Variants in SH3D19 observed in about 807,000 individuals in gnomAD.
The protein encoded by SH3D19 is SH3 domain containing 19, also known as SH3 domain-containing protein 19.
SH3D19 carries 58 observed loss-of-function variants against 112.1 expected under a neutral mutation model. The ratio of observed to expected loss-of-function variants is 0.52; its 90% confidence interval spans 0.42 to 0.64. The LOEUF (loss-of-function observed/expected upper bound fraction) is 0.64, where lower values mean the gene tolerates loss of function less well. Among genes scored for constraint, SH3D19 ranks in the 30% least tolerant of loss-of-function variants. The pLI, the probability that SH3D19 is intolerant of heterozygous loss-of-function variation, is 0.00. For missense variants in SH3D19, 1,090 were observed against 1,263.4 expected (o/e 0.86, Z 2.08); for synonymous variants, 391 against 448.5 (o/e 0.87, Z 1.62).
intron 1 of SH3D19, among the ~76,000 whole-genome samples, chr4:151,246,337 T>A (rs926989172): frequency 6.6e-6 from 1 of 152,240 alleles, no homozygotes; most frequent in Non-Finnish European, 1.5e-5. Context: ...TAACATAGAA[T>A]GATCAAATTC....
chr4:151,303,752 T>C (rs965387820), intron 1 of SH3D19, among the ~76,000 whole-genome samples: 3 of 152,050 alleles, frequency 2.0e-5, no homozygotes, highest in African/African-American at 4.8e-5. Flanking sequence ...ACAAAGGGGT[T>C]TGGGGTGGTA....
intron 1 of SH3D19, among the ~76,000 whole-genome samples, chr4:151,319,120 A>G (rs1730295982): frequency 1.3e-5 from 2 of 152,154 alleles, no homozygotes; most frequent in African/African-American, 2.4e-5. Context: ...GTGTGATCTC[A>G]GTTCACTGCA....
intron 9 of SH3D19, among the ~76,000 whole-genome samples, chr4:151,150,206 A>AAAAATATATAT (rs1273707426): frequency 2.2e-5 from 1 of 46,158 alleles, no homozygotes; most frequent in African/African-American, 7.2e-5. Flanking sequence ...AAAAAAAAAA[A>AAAAATATATAT]ATATATATAT....
rs141989902 is a variant in SH3D19 at position 151,295,657 on chromosome 4, T to C, written c.112+29584A>G. Among the ~76,000 whole-genome samples, 326 of 152,352 alleles carry C rather than the reference T, an allele frequency of 2.1e-3. 2 individuals are homozygous for C. The highest frequency in any genetic ancestry group is 7.4e-3 in the African/African-American group (307 of 41,590). On this transcript the variant is annotated intron_variant, in intron 1 of 19. Transcript: ENST00000604030. ...GTCCTCTACACCTGGAATACCTTTC[T>C]TTTGATACCTCAACCCACTTATTTC...
At chr4:151,237,674 C>T (rs1180572505) in intron 1 of SH3D19, among the ~76,000 whole-genome samples, 3 of 152,114 alleles carry the variant, frequency 2.0e-5, no homozygotes, top group Non-Finnish European at 2.9e-5. Context: ...AATAAAGGTA[C>T]ACAAAGGGTA....
chr4:151,194,065 A>G (rs1763046602), intron 2 of SH3D19, among the ~76,000 whole-genome samples: 1 of 129,360 alleles, frequency 7.7e-6, no homozygotes, highest in African/African-American at 3.4e-5. Context: ...CAGCTCTGTC[A>G]CCCAGGCTGG....
intron 17 of SH3D19, among the ~76,000 whole-genome samples, chr4:151,128,879 A>G (rs1038808151): frequency 2.0e-5 from 3 of 152,082 alleles, no homozygotes; most frequent in Non-Finnish European, 2.9e-5. Context: ...TCTTGGCTCA[A>G]GTGATCCTCC....
intron 1 of SH3D19, among the ~76,000 whole-genome samples, chr4:151,281,844 C>T (rs1397528904): frequency 2.6e-5 from 4 of 151,960 alleles, no homozygotes; most frequent in African/African-American, 9.7e-5. Context: ...GTCTATTAAG[C>T]ATACAGGTGA....
At chr4:151,178,193 G>GC (rs1760254812) in intron 4 of SH3D19, among the ~76,000 whole-genome samples, 1 of 152,222 alleles carries the variant, frequency 6.6e-6, no homozygotes, top group Non-Finnish European at 1.5e-5. Flanking sequence ...AAGGCACTGT[G>GC]CCTGGAGCAT....
chr4:151,144,467 G>T (rs1753576363), intron 11 of SH3D19: 1 of 607,134 alleles, frequency 1.6e-6, no homozygotes, highest in Non-Finnish European at 2.9e-6. Context: ...ATGTTAAGAG[G>T]CTCTTGGGAG....
At chr4:151,295,679 T>C (rs1181232966) in intron 1 of SH3D19, among the ~76,000 whole-genome samples, 1 of 152,210 alleles carries the variant, frequency 6.6e-6, no homozygotes, top group African/African-American at 2.4e-5. Flanking sequence ...AACCCACTTA[T>C]TTCTGCCCAC....
chr4:151,179,772 CTA>C (rs1245243355), intron 3 of SH3D19, among the ~76,000 whole-genome samples: 1 of 152,192 alleles, frequency 6.6e-6, no homozygotes, highest in Non-Finnish European at 1.5e-5. Flanking sequence ...CGATTCCAAT[CTA>C]TATGACTATG....
intron 7 of SH3D19, among the ~76,000 whole-genome samples, chr4:151,168,349 A>G (rs1758459211): frequency 6.6e-6 from 1 of 152,028 alleles, no homozygotes; most frequent in Non-Finnish European, 1.5e-5. Context: ...ACATATTTGA[A>G]TAGTTCTTCC....
At chr4:151,303,335 T>C (rs1048228175) in intron 1 of SH3D19, among the ~76,000 whole-genome samples, 5 of 152,242 alleles carry the variant, frequency 3.3e-5, no homozygotes, top group Admixed American at 6.5e-5. Context: ...TTTTCTTGAA[T>C]AGATTATCAA....
At chr4:151,182,518 A>G (rs1232525153) in intron 3 of SH3D19, among the ~76,000 whole-genome samples, 1 of 152,222 alleles carries the variant, frequency 6.6e-6, no homozygotes, top group Admixed American at 6.5e-5. Flanking sequence ...GCTGAAGAAC[A>G]TGGAGGGGTC....
chr4:151,162,675 A>G (rs938157247), intron 8 of SH3D19, among the ~76,000 whole-genome samples: 13 of 149,676 alleles, frequency 8.7e-5, no homozygotes, highest in Admixed American at 5.3e-4. Flanking sequence ...GCTCAACACA[A>G]CCTCCAAATC....
chr4:151,152,405 TG>T (rs1755207238), intron 9 of SH3D19, among the ~76,000 whole-genome samples: 1 of 152,124 alleles, frequency 6.6e-6, no homozygotes, highest in Non-Finnish European at 1.5e-5. Flanking sequence ...CTGGTGAAGT[TG>T]GTTTTCCTGC....
rs759416093 is a variant in SH3D19 at position 151,127,633 on chromosome 4, A to T, written c.3012T>A (p.Asp1004Glu). The T allele has an allele frequency of 1.3e-6, 2 of 1,599,836 alleles. No individual in the cohort carries two copies. The highest frequency in any genetic ancestry group is 1.7e-4 in the Middle Eastern group (1 of 6,004). The change falls in exon 19 of 20, where the codon GAT (aspartate) becomes GAA (glutamate). Residue 1004 changes from aspartate (D) to glutamate (E), a missense_variant. Asp to Glu is a conservative substitution (Grantham distance 45). Coordinates refer to ENST00000604030, the MANE Select transcript of SH3D19 (RefSeq NM_001378122.1). ...ACATTCTGACCTTGAAGGAAAGTTC[A>T]TCTTCATTCTCCCCTCGGAAATCAT... ...ALYDFRGENE[D>E]ELSFKAGDII...
intron 7 of SH3D19, among the ~76,000 whole-genome samples, chr4:151,168,177 AGGTG>A (rs1441760928): frequency 2.2e-3 from 10 of 4,486 alleles, no homozygotes; most frequent in Non-Finnish European, 4.2e-3. Flanking sequence ...GTTTATTAGA[AGGTG>A]AGAAGTATAT....
Sources: gnomAD v4.1 joint callset for allele counts (sites outside exome capture counted in the v4.1 genomes callset) on GRCh38, gnomAD v4.1.1 for gene constraint, MANE v1.5 for transcripts, NCBI Gene and HGNC (gene_info 2026-07-23, HGNC 2026-07-21) for gene names.